UNC5D: variants seen among roughly 807,000 people sequenced by gnomAD.
UNC5D encodes the protein unc-5 netrin receptor D.
A neutral mutation model predicts 105.4 loss-of-function variants in UNC5D; 39 were observed. The ratio of observed to expected loss-of-function variants is 0.37; its 90% CI spans 0.29 to 0.48. The LOEUF (loss-of-function observed/expected upper bound fraction) is 0.48. Ranked by LOEUF, UNC5D falls within the 20% of genes least tolerant of loss-of-function variation. The pLI is 0.98. For synonymous variants in UNC5D, 452 were observed against 450.4 expected, an observed-to-expected ratio of 1.00 and a Z score of -0.04; for missense variants, 991 against 1,202.4, an observed-to-expected ratio of 0.82 and a Z score of 2.60.
At chr8:35,467,824 C>T (rs199675410) in intron 1 of UNC5D, among the ~76,000 whole-genome samples, 2 of 152,156 alleles carry the variant, frequency 1.3e-5, no homozygotes, top group South Asian at 4.1e-4. Context: ...TTTCTGATAA[C>T]GAAAAGCTTT....
At chr8:35,730,139 G>A (rs1829105945) in intron 10 of UNC5D, among the ~76,000 whole-genome samples, 1 of 152,142 alleles carries the variant, frequency 6.6e-6, no homozygotes, top group Non-Finnish European at 1.5e-5. Flanking sequence ...GGATCTTACT[G>A]TTTCTCTATT....
intron 1 of UNC5D, among the ~76,000 whole-genome samples, chr8:35,433,847 C>CA (rs35220872): frequency 0.056 from 4,797 of 86,420 alleles, 229 homozygotes; most frequent in African/African-American, 0.16. Context: ...GACCCTGTCT[C>CA]AAAAAAAAAA....
chr8:35,560,676 A>G (rs1816892966), intron 2 of UNC5D, among the ~76,000 whole-genome samples: 1 of 152,022 alleles, frequency 6.6e-6, no homozygotes, highest in East Asian at 1.9e-4. Context: ...ACCTCATGTT[A>G]GAAGAAGGCC....
intron 4 of UNC5D, among the ~76,000 whole-genome samples, chr8:35,624,350 C>T (rs369186201): frequency 2.0e-5 from 3 of 152,252 alleles, no homozygotes; most frequent in African/African-American, 7.2e-5. Context: ...AGTGTGTTTG[C>T]AGTGATAAAC....
intron 1 of UNC5D, among the ~76,000 whole-genome samples, chr8:35,538,458 CGGA>C (rs1415850220): frequency 1.6e-5 from 2 of 127,962 alleles, no homozygotes; most frequent in Non-Finnish European, 3.3e-5. Context: ...ATTCAAAAGA[CGGA>C]GGAATTTTAT....
At chr8:35,718,461 G>A (rs1351869483) in intron 8 of UNC5D, among the ~76,000 whole-genome samples, 1 of 152,134 alleles carries the variant, frequency 6.6e-6, no homozygotes, top group Non-Finnish European at 1.5e-5. Context: ...ACCTAAGACT[G>A]TGGTTTCTTT....
chr8:35,518,442 T>C (rs370846022), intron 1 of UNC5D, among the ~76,000 whole-genome samples: 2 of 150,950 alleles, frequency 1.3e-5, no homozygotes, highest in African/African-American at 4.9e-5. Flanking sequence ...TATATCCTTC[T>C]GCAACATTTT....
intron 1 of UNC5D, among the ~76,000 whole-genome samples, chr8:35,329,059 T>C (rs1450715753): frequency 1.3e-5 from 2 of 152,136 alleles, no homozygotes; most frequent in African/African-American, 4.8e-5. Context: ...CATGTTTTTC[T>C]CCAATTTAAA....
intron 1 of UNC5D, among the ~76,000 whole-genome samples, chr8:35,295,276 C>T (rs1328036636): frequency 6.6e-6 from 1 of 152,076 alleles, no homozygotes; most frequent in Non-Finnish European, 1.5e-5. Context: ...GTAGTAATTG[C>T]TAAAATGGAT....
At chr8:35,379,797 A>G (rs1802912532) in intron 1 of UNC5D, among the ~76,000 whole-genome samples, 1 of 152,124 alleles carries the variant, frequency 6.6e-6, no homozygotes, top group South Asian at 2.1e-4. Flanking sequence ...GAGACATCAT[A>G]AAGTCTAGCT....
intron 1 of UNC5D, among the ~76,000 whole-genome samples, chr8:35,248,402 GATATA>G (rs1339904415): frequency 4.9e-5 from 2 of 40,948 alleles, no homozygotes; most frequent in African/African-American, 7.4e-5. Flanking sequence ...ATATGAAATA[GATATA>G]ATATATAAAT....
At chr8:35,742,405 G>C (rs1829808832) in intron 11 of UNC5D, among the ~76,000 whole-genome samples, 1 of 152,150 alleles carries the variant, frequency 6.6e-6, no homozygotes, top group Non-Finnish European at 1.5e-5. Context: ...TGGAAAACTT[G>C]AGTACAGCTT....
intron 1 of UNC5D, among the ~76,000 whole-genome samples, chr8:35,474,022 G>A (rs913220164): frequency 2.6e-5 from 4 of 152,066 alleles, no homozygotes; most frequent in Admixed American, 1.3e-4. Context: ...TCATGAGGAC[G>A]GTGCCTTCAT....
At chr8:35,705,291 T>C (rs887457603) in intron 7 of UNC5D, among the ~76,000 whole-genome samples, 5 of 152,138 alleles carry the variant, frequency 3.3e-5, no homozygotes, top group South Asian at 2.1e-4. Context: ...ATCCACCTTA[T>C]CTCATGGGTG....
At chr8:35,580,549 G>GAA (rs34511059) in intron 3 of UNC5D, among the ~76,000 whole-genome samples, 1 of 148,436 alleles carries the variant, frequency 6.7e-6, no homozygotes. Context: ...AAGACTGAAA[G>GAA]AAAAAAAAAA....
chr8:35,457,990 A>C (rs1585888404), intron 1 of UNC5D, among the ~76,000 whole-genome samples: 1 of 152,204 alleles, frequency 6.6e-6, no homozygotes, highest in East Asian at 1.9e-4. Context: ...GAGGTAAAGC[A>C]TGTAACATCC....
intron 1 of UNC5D, among the ~76,000 whole-genome samples, chr8:35,440,105 G>T (rs879143521): frequency 6.6e-6 from 1 of 151,878 alleles, no homozygotes; most frequent in Non-Finnish European, 1.5e-5. Context: ...ACTCTATCAC[G>T]CTGGTGACCT....
chr8:35,286,454 T>A (rs1806603633), intron 1 of UNC5D, among the ~76,000 whole-genome samples: 1 of 152,122 alleles, frequency 6.6e-6, no homozygotes, highest in Non-Finnish European at 1.5e-5. Flanking sequence ...AGCCAATGAT[T>A]ATGGAGGGAG....
intron 12 of UNC5D, among the ~76,000 whole-genome samples, chr8:35,749,122 G>A (rs1010248576): frequency 6.6e-6 from 1 of 152,068 alleles, no homozygotes; most frequent in East Asian, 1.9e-4. Context: ...GGATTCTAAG[G>A]TATCTATGTT....
Sources: gnomAD v4.1 joint callset for allele counts (sites outside exome capture counted in the v4.1 genomes callset) on GRCh38, gnomAD v4.1.1 for gene constraint, MANE v1.5 for transcripts, NCBI Gene and HGNC (gene_info 2026-07-23, HGNC 2026-07-21) for gene names.